NAV2: variants seen among roughly 807,000 people sequenced by gnomAD.
NAV2 encodes neuron navigator 2.
Under a neutral mutation model 223.2 loss-of-function variants are expected in NAV2, and 54 were observed. That is an observed-to-expected ratio of 0.24 (90% CI 0.19 to 0.30). NAV2 has a LOEUF of 0.30. NAV2 is among the 10% of genes least tolerant of loss of function. NAV2 has a pLI of 1.00. For missense variants in NAV2, 2,806 were observed against 3,147.5 expected, an observed-to-expected ratio of 0.89 and a Z score of 2.60; for synonymous variants, 1,279 against 1,239.3, an observed-to-expected ratio of 1.03 and a Z score of -0.67.
At chr11:19,971,423 A>G (rs2049232026) in intron 10 of NAV2, among the ~76,000 whole-genome samples, 1 of 151,958 alleles carries the variant, frequency 6.6e-6, no homozygotes, top group Non-Finnish European at 1.5e-5. Flanking sequence ...TTTGGGACCT[A>G]TTTTGCAGGG....
chr11:19,762,255 CA>C (rs1395373061), intron 1 of NAV2, among the ~76,000 whole-genome samples: 2 of 152,074 alleles, frequency 1.3e-5, no homozygotes, highest in Non-Finnish European at 2.9e-5. Context: ...AACAAACAAA[CA>C]AAACAAACCC....
intron 1 of NAV2, among the ~76,000 whole-genome samples, chr11:19,639,340 C>A (rs1324609016): frequency 6.6e-6 from 1 of 152,216 alleles, no homozygotes; most frequent in African/African-American, 2.4e-5. Flanking sequence ...TCTATGACTG[C>A]CCCTGTGTGG....
At chr11:19,819,794 G>T (rs2059280436) in intron 1 of NAV2, among the ~76,000 whole-genome samples, 1 of 152,216 alleles carries the variant, frequency 6.6e-6, no homozygotes, top group Non-Finnish European at 1.5e-5. Context: ...TACAAATGTG[G>T]AAACTGAGGC....
intron 1 of NAV2, among the ~76,000 whole-genome samples, chr11:19,534,509 G>A (rs992486901): frequency 6.6e-6 from 1 of 152,236 alleles, no homozygotes; most frequent in Non-Finnish European, 1.5e-5. Flanking sequence ...GTGAGAGAGA[G>A]AGAAGTGAAG....
chr11:19,356,295 G>T (rs1483625681), intron 1 of NAV2, among the ~76,000 whole-genome samples: 1 of 152,184 alleles, frequency 6.6e-6, no homozygotes, highest in Non-Finnish European at 1.5e-5. Context: ...TGGCAAAGGG[G>T]TCAGACCAAT....
chr11:19,966,253 C>G (rs1328665490), intron 10 of NAV2, among the ~76,000 whole-genome samples: 1 of 152,208 alleles, frequency 6.6e-6, no homozygotes, highest in African/African-American at 2.4e-5. Context: ...CTGTGGTCAT[C>G]TGTGGCGAAT....
intron 11 of NAV2, among the ~76,000 whole-genome samples, chr11:19,989,031 C>G (rs757862870): frequency 1.4e-4 from 21 of 152,178 alleles, no homozygotes; most frequent in Admixed American, 3.9e-4. Context: ...CTACTGAGAG[C>G]CACATAAGAG....
rs75121356 is a variant in NAV2 at position 19,682,575 on chromosome 11, T to C, written c.76-149909T>C. Among the ~76,000 whole-genome samples the C allele has an allele frequency of 8.6e-3, 1,307 of 152,318 alleles. 43 individuals are homozygous for C. In the East Asian group the frequency reaches 0.087, roughly 10 times the overall value. The stretch of plus-strand genomic sequence containing the variant: ...TAATTCATAAAGAAAAGAGGTTTAA[T>C]TGGCTCATGATTCTGAAGGCTATAC... On this transcript the variant is annotated intron_variant, in intron 1 of 37. Transcript: ENST00000360655.
intron 1 of NAV2, among the ~76,000 whole-genome samples, chr11:19,648,524 G>A (rs1308829076): frequency 6.6e-6 from 1 of 152,184 alleles, no homozygotes; most frequent in African/African-American, 2.4e-5. Context: ...CTAAGAGGAA[G>A]TGCCCAAGGG....
At chr11:19,386,035 A>G (rs1284279602) in intron 1 of NAV2, among the ~76,000 whole-genome samples, 2 of 152,164 alleles carry the variant, frequency 1.3e-5, no homozygotes, top group African/African-American at 4.8e-5. Flanking sequence ...AAGTGCTGGG[A>G]TTACAGGCGT....
At chr11:19,623,142 T>G in intron 1 of NAV2, among the ~76,000 whole-genome samples, 1 of 152,242 alleles carries the variant, frequency 6.6e-6, no homozygotes, top group East Asian at 1.9e-4. Flanking sequence ...TCACTGTTAG[T>G]CTGATGGGCT....
intron 3 of NAV2, among the ~76,000 whole-genome samples, chr11:19,854,829 T>C (rs149507354): frequency 6.6e-6 from 1 of 152,210 alleles, no homozygotes; most frequent in African/African-American, 2.4e-5. Flanking sequence ...GTGTCCTTTT[T>C]AAAATGTAAA....
chr11:19,947,120 C>T (rs1170701614), intron 9 of NAV2, among the ~76,000 whole-genome samples: 2 of 152,136 alleles, frequency 1.3e-5, no homozygotes, highest in Admixed American at 1.3e-4. Context: ...AAGGAAAGTT[C>T]TTGTTGTCCC....
Position 19,857,796 on chromosome 11 carries a change from A to C in NAV2, c.439-11129A>C, listed in dbSNP as rs140844467. On this transcript the variant is annotated intron_variant, in intron 3 of 37. Coordinates refer to ENST00000349880, the MANE Select transcript of NAV2 (RefSeq NM_145117.5). ...ATTGTATAATGATTTCCATAATCAAAGTAATTGATACTTCAGTTGCCATGC... is the reference window on the plus strand; with the variant it reads ...ATTGTATAATGATTTCCATAATCAACGTAATTGATACTTCAGTTGCCATGC... Among the ~76,000 whole-genome samples, 1,267 of 152,350 alleles carry C rather than the reference A, an allele frequency of 8.3e-3. 12 individuals carry two copies. The highest frequency in any genetic ancestry group is 0.029 in the African/African-American group (1,205 of 41,580).
intron 1 of NAV2, among the ~76,000 whole-genome samples, chr11:19,378,866 G>A (rs1187219528): frequency 6.6e-6 from 1 of 152,112 alleles, no homozygotes; most frequent in African/African-American, 2.4e-5. Context: ...TGAGGGCAGG[G>A]GCTTTGTTGT....
intron 11 of NAV2, among the ~76,000 whole-genome samples, chr11:20,017,576 C>A (rs1591676651): frequency 2.0e-5 from 3 of 152,168 alleles, no homozygotes; most frequent in Admixed American, 2.0e-4. Context: ...TGTTTGTCTC[C>A]TCCATGTAAA....
At chr11:20,050,370 T>C (rs924321514) in intron 16 of NAV2, among the ~76,000 whole-genome samples, 1 of 152,192 alleles carries the variant, frequency 6.6e-6, no homozygotes, top group Non-Finnish European at 1.5e-5. Flanking sequence ...TGGCTCATTA[T>C]GTCTTGCAGA....
chr11:19,389,388 G>A (rs1849161046), intron 1 of NAV2, among the ~76,000 whole-genome samples: 1 of 152,224 alleles, frequency 6.6e-6, no homozygotes, highest in Non-Finnish European at 1.5e-5. Context: ...CATATTGGAA[G>A]CACGATGTTC....
intron 1 of NAV2, among the ~76,000 whole-genome samples, chr11:19,528,825 G>T (rs2043930240): frequency 6.6e-6 from 1 of 151,868 alleles, no homozygotes; most frequent in Non-Finnish European, 1.5e-5. Flanking sequence ...AGCTACTCGG[G>T]AGGCTGAGGA....
Sources: gnomAD v4.1 joint callset for allele counts (sites outside exome capture counted in the v4.1 genomes callset) on GRCh38, gnomAD v4.1.1 for gene constraint, MANE v1.5 for transcripts, NCBI Gene and HGNC (gene_info 2026-07-23, HGNC 2026-07-21) for gene names.